The following GPHN variants were observed in gnomAD, a reference collection of about 807,000 sequenced individuals.
GPHN encodes the protein gephyrin.
GPHN carries 17 observed loss-of-function variants against 95.5 expected under a neutral mutation model. The observed-to-expected ratio is 0.18, with a 90% CI of 0.12 to 0.27. The LOEUF (loss-of-function observed/expected upper bound fraction) is 0.27, where lower values mean the gene tolerates loss of function less well. Among genes scored for constraint, GPHN ranks in the 10% least tolerant of loss-of-function variants. The probability of loss-of-function intolerance (pLI) is 1.00; values close to 1 mark genes in which losing one functional copy is unlikely to be tolerated. For synonymous variants in GPHN, 320 were observed against 322.5 expected, an observed-to-expected ratio of 0.99 and a Z score of 0.08; for missense variants, 660 against 978.1, an observed-to-expected ratio of 0.67 and a Z score of 4.34.
At chr14:66,565,518 T>G (rs2060425909) in intron 1 of GPHN, among the ~76,000 whole-genome samples, 1 of 152,158 alleles carries the variant, frequency 6.6e-6, no homozygotes, top group Non-Finnish European at 1.5e-5. Flanking sequence ...CAAGCTGGTC[T>G]TGAACTCTTG....
At chr14:66,726,454 T>A in intron 2 of GPHN, among the ~76,000 whole-genome samples, 1 of 152,370 alleles carries the variant, frequency 6.6e-6, no homozygotes, top group Non-Finnish European at 1.5e-5. Flanking sequence ...TCAACTCATT[T>A]ATGAATCCTT....
chr14:67,580,759 GA>G, the GPHN span: 1 of 575,266 alleles, frequency 1.7e-6, no homozygotes. Flanking sequence ...CTCTGTTTGT[GA>G]GGGAGCTGCT....
chr14:66,922,553 A>G, intron 6 of GPHN, 113 bp from the exon 7 acceptor site: 1 of 754,624 alleles, frequency 1.3e-6, no homozygotes, highest in Non-Finnish European at 2.2e-6. Context: ...ATTGATTCTG[A>G]GATTGATGGA....
rs574445193 is a variant in GPHN at position 66,725,804 on chromosome 14, A to G, written c.143+44619A>G. 1.2e-4 allele frequency among the ~76,000 whole-genome samples: 19 copies of G among 152,328 alleles called. No homozygotes were observed. In the South Asian group the frequency reaches 3.9e-3, roughly 32 times the overall value. On this transcript the variant is annotated intron_variant, in intron 2 of 22. Transcript: ENST00000478722. ...CACTAATGCTTCAGCTTTTTTAACA[A>G]GAAAATATTTCTGTTTTGAATGTTT...
At chr14:66,995,272 A>G (rs554539932) in intron 9 of GPHN, among the ~76,000 whole-genome samples, 2 of 152,198 alleles carry the variant, frequency 1.3e-5, no homozygotes, top group Non-Finnish European at 2.9e-5. Flanking sequence ...AAGGTTAAAC[A>G]TTGTTGTAAG....
chr14:67,143,103 C>T, intron 17 of GPHN: 1 of 412,162 alleles, frequency 2.4e-6, no homozygotes, highest in Non-Finnish European at 4.6e-6. Flanking sequence ...TGTCTCCTTT[C>T]ATTATAGTGG....
chr14:66,918,734 G>T (rs1470731871), intron 6 of GPHN, among the ~76,000 whole-genome samples: 1 of 152,024 alleles, frequency 6.6e-6, no homozygotes, highest in Non-Finnish European at 1.5e-5. Flanking sequence ...CCTATTAGGC[G>T]TGAAATTCCA....
the GPHN span, among the ~76,000 whole-genome samples, chr14:67,712,493 C>CAAAAAAAAAAAAAAAAAAAAAAAA: frequency 5.1e-5 from 2 of 38,948 alleles, no homozygotes; most frequent in African/African-American, 1.1e-4. Flanking sequence ...AAAAAACTTG[C>CAAAAAAAAAAAAAAAAAAAAAAAA]AAAAAAAAAA....
In GPHN at chr14:67,145,001, G is replaced by A. The variant is rs139483025; in HGVS notation, c.1836+1552G>A. 1.6e-4 allele frequency among the ~76,000 whole-genome samples: 24 copies of A among 152,286 alleles called. No individual in the cohort carries two copies. The South Asian group carries it at 3.5e-3, about 22-fold the overall frequency. On this transcript the variant is annotated intron_variant, in intron 18 of 22. Coordinates refer to ENST00000478722, the MANE Select transcript of GPHN (RefSeq NM_020806.5). ...TTAGCCCCAGGTAGAGCAAATTGCC[G>A]CAGAGCTCTCCTGAGATCACAAAGG... is the stretch of plus-strand genomic sequence containing the variant.
intron 2 of GPHN, among the ~76,000 whole-genome samples, chr14:66,742,485 C>CTTG (rs1393798129): frequency 6.6e-6 from 1 of 152,038 alleles, no homozygotes; most frequent in Non-Finnish European, 1.5e-5. Context: ...CTATATAGCT[C>CTTG]TTGTTATAGA....
At chr14:67,204,442 AAAAC>A in the GPHN span, 7 of 1,399,284 alleles carry the variant, frequency 5.0e-6, no homozygotes, top group Non-Finnish European at 6.5e-6. Context: ...AACTTGTCTC[AAAAC>A]AAACAAACAA....
At chr14:67,697,795 G>A in the GPHN span, among the ~76,000 whole-genome samples, 2 of 152,128 alleles carry the variant, frequency 1.3e-5, no homozygotes, top group Admixed American at 1.3e-4. Flanking sequence ...GTTTTACTGT[G>A]GGAATTTACA....
At chr14:67,518,227 G>A in the GPHN span, among the ~76,000 whole-genome samples, 1 of 152,214 alleles carries the variant, frequency 6.6e-6, no homozygotes, top group East Asian at 1.9e-4. Context: ...GAGCGGTGTG[G>A]TGGTATGGGC....
chr14:67,144,249 AAATATATATATATATATATAT>A lies in GPHN; in HGVS notation c.1836+802_1836+822del, dbSNP rs1403818708. On this transcript the variant is annotated intron_variant, in intron 18 of 22. Coordinates refer to ENST00000478722, the MANE Select transcript of GPHN (RefSeq NM_020806.5). ...AAGACCCTGTCTTAAAAAAAAAAAAAAATATATATATATATATATATATATATATATATATATACACACACA... is the reference window on the plus strand; with the variant it reads ...AAGACCCTGTCTTAAAAAAAAAAAAAATATATATATATATATACACACACA... Among the ~76,000 whole-genome samples, 89 of 68,932 alleles carry A rather than the reference AAATATATATATATATATATAT, an allele frequency of 1.3e-3. 1 individual carries two copies. The highest frequency in any genetic ancestry group is 1.7e-3 in the Non-Finnish European group (68 of 38,974). 45.2% of individuals were successfully genotyped at this position (68,932 alleles called of 152,430 possible).
the GPHN span, among the ~76,000 whole-genome samples, chr14:67,405,501 A>C: frequency 0.014 from 2,144 of 152,222 alleles, 21 homozygotes; most frequent in Middle Eastern, 0.037. Context: ...CAGTATGAAA[A>C]GTTCCAGGAC....
rs113225280 is a variant in GPHN at position 67,173,095 on chromosome 14, C to T, written c.2079+4059C>T. On this transcript the variant is annotated intron_variant, in intron 21 of 22. Transcript: ENST00000478722. Reference sequence around the variant, plus strand: ...CAAGCTGCTAAGGGGTACCCAAAGTCACAGACCCTGGCTCTGTGGACAACC... The same window carrying T: ...CAAGCTGCTAAGGGGTACCCAAAGTTACAGACCCTGGCTCTGTGGACAACC... Among the ~76,000 whole-genome samples, 466 of 152,292 alleles carry T rather than the reference C, an allele frequency of 3.1e-3. 5 individuals carry two copies. The highest frequency in any genetic ancestry group is 0.011 in the African/African-American group (448 of 41,554).
At chr14:66,711,139 C>G (rs1320141352) in intron 2 of GPHN, among the ~76,000 whole-genome samples, 1 of 151,984 alleles carries the variant, frequency 6.6e-6, no homozygotes, top group Non-Finnish European at 1.5e-5. Flanking sequence ...TTTTGGTGCA[C>G]CCATCACCTG....
the GPHN span, among the ~76,000 whole-genome samples, chr14:67,605,432 C>T: frequency 6.6e-6 from 1 of 152,188 alleles, no homozygotes; most frequent in Non-Finnish European, 1.5e-5. Context: ...TATCAGCTCA[C>T]TATAACTTCA....
chr14:67,413,318 T>G, the GPHN span, among the ~76,000 whole-genome samples: 1 of 151,836 alleles, frequency 6.6e-6, no homozygotes, highest in Non-Finnish European at 1.5e-5. Flanking sequence ...TCCAGACTGG[T>G]CTCGAACTCC....
Sources: gnomAD v4.1 joint callset for allele counts (sites outside exome capture counted in the v4.1 genomes callset) on GRCh38, gnomAD v4.1.1 for gene constraint, MANE v1.5 for transcripts, NCBI Gene and HGNC (gene_info 2026-07-23, HGNC 2026-07-21) for gene names.